INPP5E: variants seen among roughly 807,000 people sequenced by gnomAD.
INPP5E encodes the protein phosphatidylinositol polyphosphate 5-phosphatase type IV.
A neutral mutation model predicts 50.5 loss-of-function variants in INPP5E; 34 were observed. That is an observed-to-expected ratio of 0.67 (90% CI 0.51 to 0.90). INPP5E has a LOEUF of 0.90. INPP5E is among the 40% of genes least tolerant of loss of function. The pLI, the probability that INPP5E is intolerant of heterozygous loss-of-function variation, is 0.00. For missense variants in INPP5E, 942 were observed against 905.5 expected, an observed-to-expected ratio of 1.04 and a Z score of -0.52; for synonymous variants, 447 against 406.0, an observed-to-expected ratio of 1.10 and a Z score of -1.21.
intron 2 of INPP5E, among the ~76,000 whole-genome samples, chr9:136,434,526 A>C (rs1835788057): frequency 6.6e-6 from 1 of 150,466 alleles, no homozygotes; most frequent in South Asian, 2.1e-4. Flanking sequence ...TACTTTCTGC[A>C]GCCACGTGGC....
intron 8 of INPP5E, 71 bp from the exon 9 acceptor site, chr9:136,430,484 C>T (rs919408834): frequency 1.3e-6 from 2 of 1,529,962 alleles, no homozygotes; most frequent in African/African-American, 2.8e-5. Flanking sequence ...CCGCTCACCT[C>T]CCTGCTGTTC....
chr9:136,433,009 A>G lies in INPP5E; in HGVS notation c.1226T>C (p.Ile409Thr). ...SQIKTKGALGISFTFFGTSFL... is the reference protein window; with the variant it reads ...SQIKTKGALGTSFTFFGTSFL... ...GGAAGTGCCAAAAAAGGTGAAGCTG[A>G]TGCCCAAGGCCCCCTTGGTCTTGAT... Residue 409 changes from isoleucine (I) to threonine (T), a missense_variant, in exon 5 of 10, where the codon ATC becomes ACC. Coordinates refer to ENST00000371712, the MANE Select transcript of INPP5E (RefSeq NM_019892.6). The G allele has an allele frequency of 6.2e-7, 1 of 1,613,790 alleles. No homozygotes were observed. The highest frequency in any genetic ancestry group is 1.3e-5 in the African/African-American group (1 of 75,068).
intron 4 of INPP5E, 33 bp from the exon 5 acceptor site, chr9:136,433,108 G>A (rs1289283936): frequency 1.2e-6 from 2 of 1,611,892 alleles, no homozygotes; most frequent in Non-Finnish European, 1.7e-6. Context: ...CTCACCTGTG[G>A]GACGCTGCCA....
chr9:136,438,559 CACTACA>C (rs1835888940), intron 1 of INPP5E, 43 bp downstream of exon 1: 1 of 1,468,514 alleles, frequency 6.8e-7, no homozygotes, highest in Non-Finnish European at 9.3e-7. Flanking sequence ...GCAGCCTGAA[CACTACA>C]ACGAAGGCGG....
In INPP5E at chr9:136,439,478, G is replaced by C. The variant is rs1835939820; in HGVS notation, c.-59C>G. The C allele has an allele frequency of 7.8e-7, 1 of 1,285,494 alleles. No homozygotes were observed. The highest frequency in any genetic ancestry group is 1.0e-6 in the Non-Finnish European group (1 of 986,808). The allele number at this position is 1,285,494 out of a possible 1,614,324, so 79.6% of individuals were successfully genotyped here. On this transcript the variant is annotated 5_prime_UTR_variant, in exon 1 of 10. Transcript: ENST00000371712. The stretch of plus-strand genomic sequence containing the variant: ...GGCCGCAGGCAGCGCGAGGGGTCAC[G>C]GGTGCCGGGTCCGGGGTCGCCGGCG...
At chr9:136,430,765 C>T (rs748250664) in intron 8 of INPP5E, among the ~76,000 whole-genome samples, 29 of 152,158 alleles carry the variant, frequency 1.9e-4, no homozygotes, top group East Asian at 3.9e-4. Flanking sequence ...CTCTGCAGGC[C>T]GGAGGCGAGG....
At position 136,438,731 on chromosome 9, in the gene INPP5E, G is replaced by A. The variant is rs1835900723; in HGVS notation, c.689C>T (p.Ala230Val). 3 of 1,610,406 alleles carry A rather than the reference G, an allele frequency of 1.9e-6. No individual in the cohort carries two copies. The highest frequency in any genetic ancestry group is 8.5e-7 in the Non-Finnish European group (1 of 1,178,962). The stretch of plus-strand genomic sequence containing the variant: ...CCGGCCGGGGCCCAGGCTGCTGTGG[G>A]CCCGCACCAGGAGCGGCTGCGCGCG... ...KLRAQPLLVR[A>V]HSSLGPGRPR... Residue 230 changes from alanine (A) to valine (V), a missense_variant, in exon 1 of 10, where the codon GCC becomes GTC. Coordinates refer to ENST00000371712, the MANE Select transcript of INPP5E (RefSeq NM_019892.6).
Position 136,439,269 on chromosome 9 carries a change from C to A in INPP5E, c.151G>T (p.Ala51Ser). The A allele has an allele frequency of 6.8e-7, 1 of 1,476,528 alleles. No individual in the cohort carries two copies. The highest frequency in any genetic ancestry group is 1.3e-5 in the South Asian group (1 of 74,824). The allele number at this position is 1,476,528 out of a possible 1,614,324, so 91.5% of individuals were successfully genotyped here. The change falls in exon 1 of 10, where the codon GCC (alanine) becomes TCC (serine). Residue 51 changes from alanine (A) to serine (S), a missense_variant. Ala to Ser is a moderately conservative substitution (Grantham distance 99). Coordinates refer to ENST00000371712, the MANE Select transcript of INPP5E (RefSeq NM_019892.6). ...DAPGSESPAL[A>S]CSTPATPSGE... Reference sequence around the variant, plus strand: ...CTGGGCGTGGCCGGAGTGCTGCAGGCAAGCGCGGGGCTCTCGGAGCCCGGA... The same window carrying A: ...CTGGGCGTGGCCGGAGTGCTGCAGGAAAGCGCGGGGCTCTCGGAGCCCGGA...
At position 136,439,305 on chromosome 9, in the gene INPP5E, G is replaced by C; in HGVS notation, c.115C>G (p.Pro39Ala). ...CTCTCGGAGCCCGGAGCATCGGGTG[G>C]GGACCCCGCGCGCTGGGCCGGCGGA... is the stretch of plus-strand genomic sequence containing the variant. ...GAPPAQRAGS[P>A]PDAPGSESPA... is the part of the protein sequence containing the mutation. Residue 39 changes from proline (P) to alanine (A), a missense_variant, in exon 1 of 10, where the codon CCA becomes GCA. By Grantham distance (27) the Pro-to-Ala change is conservative. Transcript: ENST00000371712. 2 of 1,413,364 alleles carry C rather than the reference G, an allele frequency of 1.4e-6. No individual in the cohort carries two copies. The highest frequency in any genetic ancestry group is 1.8e-6 in the Non-Finnish European group (2 of 1,093,158). The allele number at this position is 1,413,364 out of a possible 1,614,324, so 87.6% of individuals were successfully genotyped here.
Position 136,439,070 on chromosome 9 carries a change from T to C in INPP5E, c.350A>G (p.Gln117Arg), listed in dbSNP as rs1460001255. The part of the protein sequence containing the change: ...NGTSPSRGSV[Q>R]SEGPGAPAHS... ...GGCGGGGGCCCCGGGGCCCTCGCTC[T>C]GCACTGAGCCCCTGGAGGGACTGGT... Residue 117 changes from glutamine (Q) to arginine (R), a missense_variant, in exon 1 of 10, where the codon CAG becomes CGG. Transcript: ENST00000371712. 1 of 1,568,922 alleles carries C rather than the reference T, an allele frequency of 6.4e-7. No individual in the cohort carries two copies. Among genetic ancestry groups the C allele is most frequent in the Non-Finnish European group, 8.6e-7 (1 of 1,157,812 alleles).
intron 8 of INPP5E, 145 bp downstream of exon 8, chr9:136,430,857 G>T: frequency 1.5e-6 from 1 of 688,638 alleles, no homozygotes; most frequent in Non-Finnish European, 2.6e-6. Context: ...CCACCAAAGG[G>T]GACTTGCCAC....
At position 136,433,944 on chromosome 9, in the gene INPP5E, C is replaced by T. The variant is rs1181255011; in HGVS notation, c.1034+93G>A. 22 of 1,012,300 alleles carry T rather than the reference C, an allele frequency of 2.2e-5. No homozygotes were observed. In the East Asian group the frequency reaches 4.1e-4, roughly 19 times the overall value. 62.7% of individuals were successfully genotyped at this position (1,012,300 alleles called of 1,614,324 possible). A position where few individuals can be genotyped will look rare whatever the true frequency, so the allele number is the denominator to read the frequency against. On this transcript the variant is annotated intron_variant, in intron 3 of 9. Coordinates refer to ENST00000371712, the MANE Select transcript of INPP5E (RefSeq NM_019892.6). ...GCAGCCCCCGGGCAGGCACTGCAGA[C>T]CCGTGCCCAGCCATGACCACAGGTC... is the stretch of plus-strand genomic sequence containing the variant.
Position 136,439,266 on chromosome 9 carries a change from A to T in INPP5E, c.154T>A (p.Cys52Ser). ...CCGCTGGGCGTGGCCGGAGTGCTGC[A>T]GGCAAGCGCGGGGCTCTCGGAGCCC... ...APGSESPALA[C>S]STPATPSGED... The change falls in exon 1 of 10, where the codon TGC becomes AGC. Residue 52 changes from cysteine to serine, a missense_variant. Transcript: ENST00000371712. The T allele has an allele frequency of 6.8e-7, 1 of 1,481,064 alleles. No individual in the cohort carries two copies. The highest frequency in any genetic ancestry group is 2.2e-4 in the Middle Eastern group (1 of 4,518). 91.7% of individuals were successfully genotyped at this position (1,481,064 alleles called of 1,614,324 possible).
rs374718674 is a variant in INPP5E at position 136,433,207 on chromosome 9, G to A, written c.1107C>T (p.Gly369=). The change falls in exon 4 of 10, where the codon GGC becomes GGT. Residue 369 remains glycine (G), a synonymous_variant. Coordinates refer to ENST00000371712, the MANE Select transcript of INPP5E (RefSeq NM_019892.6). ...GGATGAAGAGCGACATGTAGAGCACGCCGTGGGCCGCCGAGGACAGCAGCA... is the reference window on the plus strand; with the variant it reads ...GGATGAAGAGCGACATGTAGAGCACACCGTGGGCCGCCGAGGACAGCAGCA... ...HYVLLSSAAH[G]VLYMSLFIRR... is the part of the protein sequence containing the mutation. 22 of 1,600,138 alleles carry A rather than the reference G, an allele frequency of 1.4e-5. No homozygotes were observed. The highest frequency in any genetic ancestry group is 2.2e-5 in the East Asian group (1 of 44,862).
In INPP5E at chr9:136,429,673, C is replaced by G; in HGVS notation, c.*2G>C. On this transcript the variant is annotated 3_prime_UTR_variant, in exon 10 of 10. Transcript: ENST00000371712. ...CAGCTGTGAGTCCTCGTTCAGCAAA[C>G]TTCAAGAAACGGAGCAGATGGTGCT... 1 of 1,614,028 alleles carries G rather than the reference C, an allele frequency of 6.2e-7. No homozygotes were observed.
At position 136,429,706 on chromosome 9, in the gene INPP5E, T is replaced by G. The variant is rs1393260348; in HGVS notation, c.1904A>C (p.Gln635Pro). 1 of 1,614,150 alleles carries G rather than the reference T, an allele frequency of 6.2e-7. No individual in the cohort carries two copies. The highest frequency in any genetic ancestry group is 1.1e-5 in the South Asian group (1 of 91,092). Residue 635 changes from glutamine (Q) to proline (P), a missense_variant, in exon 10 of 10, where the codon CAG becomes CCG. Transcript: ENST00000371712. Reference sequence around the variant, plus strand: ...AACGGAGCAGATGGTGCTGGAGTTCTGACTCTGTAGTGCTTGCTGCCTCTG... The same window carrying G: ...AACGGAGCAGATGGTGCTGGAGTTCGGACTCTGTAGTGCTTGCTGCCTCTG... ...EIQRQQALQS[Q>P]NSSTICSVS is the part of the protein sequence containing the mutation.
rs1437869189 is a variant in INPP5E at position 136,433,020 on chromosome 9, C to A, written c.1215G>T (p.Gly405=). 1.2e-6 allele frequency: 2 copies of A among 1,613,656 alleles called. No individual in the cohort carries two copies. The highest frequency in any genetic ancestry group is 2.7e-5 in the African/African-American group (2 of 75,000). ...TRIVSQIKTK[G]ALGISFTFFG... ...AAAAGGTGAAGCTGATGCCCAAGGC[C>A]CCCTTGGTCTTGATCTGAGACACGA... The change falls in exon 5 of 10, where the codon GGG becomes GGT. Residue 405 remains glycine, a synonymous_variant. Coordinates refer to ENST00000371712, the MANE Select transcript of INPP5E (RefSeq NM_019892.6).
intron 8 of INPP5E, 108 bp downstream of exon 8, chr9:136,430,894 A>T: frequency 1.2e-6 from 1 of 805,562 alleles, no homozygotes. Flanking sequence ...GCTGAGTTTC[A>T]AGTCCAGGCC....
rs752106876 is a variant in INPP5E at position 136,431,829 on chromosome 9, C to T, written c.1544G>A (p.Arg515Gln). The change falls in exon 7 of 10, where the codon CGG becomes CAG. Residue 515 changes from arginine to glutamine, a missense_variant. Transcript: ENST00000371712. The part of the protein sequence containing the change: ...LQHDQLIREM[R>Q]KGSIFKGFQE... ...CCGCCCCCCCAGGCCCTCACCTTTC[C>T]GCATCTCCCGGATGAGCTGGTCGTG... 65 of 1,603,230 alleles carry T rather than the reference C, an allele frequency of 4.1e-5. No individual in the cohort carries two copies. Among genetic ancestry groups the T allele is most frequent in the South Asian group, 1.7e-4 (15 of 90,380 alleles).
Sources: gnomAD v4.1 joint callset for allele counts (sites outside exome capture counted in the v4.1 genomes callset) on GRCh38, gnomAD v4.1.1 for gene constraint, MANE v1.5 for transcripts, NCBI Gene and HGNC (gene_info 2026-07-23, HGNC 2026-07-21) for gene names.